The following HEMGN variants were observed in gnomAD, a reference collection of about 807,000 sequenced individuals.
HEMGN encodes hemogen.
Under a neutral mutation model 45.7 loss-of-function variants are expected in HEMGN, and 32 were observed. That is an observed-to-expected ratio of 0.70 (90% CI 0.53 to 0.94). HEMGN has a LOEUF of 0.94. Ranked by LOEUF, HEMGN falls within the 40% of genes least tolerant of loss-of-function variation. The pLI is 0.00. For missense variants in HEMGN, 530 were observed against 564.2 expected (o/e 0.94, Z 0.61); for synonymous variants, 183 against 178.6 (o/e 1.02, Z -0.20).
At chr9:97,932,723 G>A (rs1021108443) in intron 2 of HEMGN, among the ~76,000 whole-genome samples, 9 of 149,190 alleles carry the variant, frequency 6.0e-5, no homozygotes, top group Admixed American at 4.1e-4. Context: ...AGAATCGCTT[G>A]AACCCAGGAG....
Position 97,927,023 on chromosome 9 carries a change from C to A in HEMGN, c.*361G>T. On this transcript the variant is annotated 3_prime_UTR_variant, in exon 4 of 4. Transcript: ENST00000616898. ...ATTTACAAGAAAACTATATACTCCA[C>A]AAAATGTATGTGTTCAGTCTTAGTC... 1 of 158,694 alleles carries A rather than the reference C, an allele frequency of 6.3e-6. No homozygotes were observed. Among genetic ancestry groups the A allele is most frequent in the Non-Finnish European group, 1.4e-5 (1 of 72,574 alleles). The allele number at this position is 158,694 out of a possible 1,614,324, so 9.8% of individuals were successfully genotyped here.
chr9:97,940,082 A>T (rs373154254), upstream of HEMGN, among the ~76,000 whole-genome samples: 62 of 152,348 alleles, frequency 4.1e-4, 2 homozygotes, highest in South Asian at 0.013. Context: ...TAATAAAATA[A>T]CATTATAGAA....
chr9:97,941,665 C>T (rs1827154062), upstream of HEMGN, among the ~76,000 whole-genome samples: 1 of 152,134 alleles, frequency 6.6e-6, no homozygotes, highest in African/African-American at 2.4e-5. Context: ...TTAGCATTCA[C>T]AGATCAGGAA....
chr9:97,934,716 G>A (rs1310009362), intron 2 of HEMGN, among the ~76,000 whole-genome samples: 1 of 152,106 alleles, frequency 6.6e-6, no homozygotes, highest in Non-Finnish European at 1.5e-5. Context: ...TTATGGAGGT[G>A]GGGCAAATAG....
rs760717668 is a variant in HEMGN, at chr9:97,931,070, C to T, written c.325G>A (p.Glu109Lys). Residue 109 changes from glutamate to lysine, a missense_variant, in exon 3 of 4, where the codon GAG (glutamate) becomes AAG (lysine). Glu to Lys is a moderately conservative substitution (Grantham distance 56). Transcript: ENST00000616898. ...ACTTTGGTTATGCTCCCAGGTGGCT[C>T]AGTTTTTTTCTCTATAGGTGCCAGT... The part of the protein sequence containing the change: ...KALAPIEKKT[E>K]PPGSITKVFP... The T allele has an allele frequency of 6.2e-7, 1 of 1,614,116 alleles. No homozygotes were observed. Among genetic ancestry groups the T allele is most frequent in the South Asian group, 1.1e-5 (1 of 91,080 alleles).
At chr9:97,942,545 C>A (rs1442713903), upstream of HEMGN, among the ~76,000 whole-genome samples, 1 of 152,092 alleles carries the variant, frequency 6.6e-6, no homozygotes, top group African/African-American at 2.4e-5. Context: ...CCTTTGCGTG[C>A]CAAAGTGCTA....
chr9:97,928,025 AT>A (rs568022099), intron 3 of HEMGN, among the ~76,000 whole-genome samples: 22,236 of 127,270 alleles, frequency 0.17, 1,492 homozygotes, highest in Non-Finnish European at 0.25. Flanking sequence ...GATCAAGTGT[AT>A]TTTTTTTTTT....
rs549277713 is a variant in HEMGN, at chr9:97,928,129, C to T, written c.1361-651G>A. 2.6e-5 allele frequency among the ~76,000 whole-genome samples: 4 copies of T among 151,890 alleles called. No individual in the cohort carries two copies. In the East Asian group the frequency reaches 7.7e-4, roughly 29 times the overall value. On this transcript the variant is annotated intron_variant, in intron 3 of 3. Transcript: ENST00000616898. ...GCAAGCTCCGCCTCCCGGGTTCACG[C>T]CATTCTCCTGCTTCAGCCTCCCGAG...
intron 2 of HEMGN, 81 bp downstream of exon 2, chr9:97,936,090 G>A (rs1827052844): frequency 1.1e-6 from 1 of 903,202 alleles, no homozygotes; most frequent in Admixed American, 1.8e-5. Context: ...AAAATACAGT[G>A]TGTAAAGTGC....
In HEMGN at chr9:97,931,200, C is replaced by G. The variant is rs1323046891; in HGVS notation, c.195G>C (p.Gln65His). Residue 65 changes from glutamine (Q) to histidine (H), a missense_variant, in exon 3 of 4, where the codon CAG (glutamine) becomes CAC (histidine). Gln to His is a conservative substitution (Grantham distance 24). Transcript: ENST00000616898. ...WLFGEQKKRK[Q>H]QRTGKGNRRG... ...TTCGATTTCCTTTTCCTGTTCTCTGCTGCTTGCGTTTTTTCTGTTCTCTGC... is the reference window on the plus strand; with the variant it reads ...TTCGATTTCCTTTTCCTGTTCTCTGGTGCTTGCGTTTTTTCTGTTCTCTGC... 6.2e-7 allele frequency: 1 copy of G among 1,604,472 alleles called. No individual in the cohort carries two copies. The highest frequency in any genetic ancestry group is 8.5e-7 in the Non-Finnish European group (1 of 1,177,698).
chr9:97,928,231 T>C (rs1204935274), intron 3 of HEMGN, among the ~76,000 whole-genome samples: 4 of 152,092 alleles, frequency 2.6e-5, no homozygotes, highest in Non-Finnish European at 5.9e-5. Context: ...TTTCATCGTG[T>C]TAGCCAGAAT....
intron 2 of HEMGN, among the ~76,000 whole-genome samples, chr9:97,935,819 C>T (rs1827047124): frequency 6.6e-6 from 1 of 152,158 alleles, no homozygotes; most frequent in African/African-American, 2.4e-5. Flanking sequence ...ATCTTGGAGG[C>T]TTCTTCAATG....
intron 2 of HEMGN, 69 bp from the exon 3 acceptor site, chr9:97,931,290 T>C (rs1413821075): frequency 2.5e-6 from 3 of 1,217,460 alleles, no homozygotes; most frequent in African/African-American, 3.0e-5. Context: ...GTAATAACAG[T>C]GCCAGGTCCC....
chr9:97,931,536 T>C (rs1176427046), intron 2 of HEMGN, among the ~76,000 whole-genome samples: 1 of 152,216 alleles, frequency 6.6e-6, no homozygotes, highest in Non-Finnish European at 1.5e-5. Context: ...AGTTTTGTTA[T>C]GGAAAATAAA....
Position 97,930,096 on chromosome 9 carries a change from G to T in HEMGN, c.1299C>A (p.Pro433=). 1 of 1,614,096 alleles carries T rather than the reference G, an allele frequency of 6.2e-7. No homozygotes were observed. Among genetic ancestry groups the T allele is most frequent in the Non-Finnish European group, 8.5e-7 (1 of 1,180,014 alleles). Residue 433 remains proline (P), a synonymous_variant, in exon 3 of 4, where the codon CCC becomes CCA. Coordinates refer to ENST00000616898, the MANE Select transcript of HEMGN (RefSeq NM_197978.3). ...GGTGTGCTTTAGGATCCTGGCCTTGGGGCCCACCTGTTTCTTGGTGTGGTT... is the reference window on the plus strand; with the variant it reads ...GGTGTGCTTTAGGATCCTGGCCTTGTGGCCCACCTGTTTCTTGGTGTGGTT... ...FPEPHQETGG[P]QGQDPKAHQE...
At chr9:97,931,250 A>C (rs1826948469) in intron 2 of HEMGN, 29 bp from the exon 3 acceptor site, 1 of 1,523,568 alleles carries the variant, frequency 6.6e-7, no homozygotes, top group Admixed American at 2.0e-5. Context: ...TAGTGTCAGC[A>C]GTGGTACTAC....
In HEMGN at chr9:97,930,190, G is replaced by A. The variant is rs749261670; in HGVS notation, c.1205C>T (p.Thr402Ile). ...AGTAGAGAGGTCTTCAGGCCCCGGT[G>A]TTTCTTGGTATATTTCAGGTGAATA... ...EEYSPEIYQETPGPEDLSTET... is the reference protein window; with the variant it reads ...EEYSPEIYQEIPGPEDLSTET... The change falls in exon 3 of 4, where the codon ACA becomes ATA. Residue 402 changes from threonine to isoleucine, a missense_variant. Coordinates refer to ENST00000616898, the MANE Select transcript of HEMGN (RefSeq NM_197978.3). The A allele has an allele frequency of 4.3e-6, 7 of 1,613,906 alleles. No individual in the cohort carries two copies. In the African/African-American group the frequency reaches 9.4e-5, roughly 22 times the overall value.
In HEMGN at chr9:97,930,795, G is replaced by A. The variant is rs772918303; in HGVS notation, c.600C>T (p.Asn200=). The A allele has an allele frequency of 3.1e-6, 5 of 1,614,132 alleles. No homozygotes were observed. The Admixed American group carries it at 5.0e-5, about 16-fold the overall frequency. Residue 200 remains asparagine (N), a synonymous_variant, in exon 3 of 4, where the codon AAC becomes AAT. Transcript: ENST00000616898. ...ICQDMKEPED[N]SPNTCQVISV... Reference sequence around the variant, plus strand: ...ATATTACTTGGCATGTGTTAGGAGAGTTGTCTTCAGGTTCCTTCATGTCTT... The same window carrying A: ...ATATTACTTGGCATGTGTTAGGAGAATTGTCTTCAGGTTCCTTCATGTCTT...
At position 97,929,595 on chromosome 9, in the gene HEMGN, A is replaced by G. The variant is rs572747531; in HGVS notation, c.1360+440T>C. On this transcript the variant is annotated intron_variant, in intron 3 of 3. Coordinates refer to ENST00000616898, the MANE Select transcript of HEMGN (RefSeq NM_197978.3). ...ATCCTACAAGAATGAATTCCCTAGT[A>G]ACAGGATTATATTTTACAGCTTTTA... is the stretch of plus-strand genomic sequence containing the variant. Among the ~76,000 whole-genome samples the G allele has an allele frequency of 3.4e-5, 5 of 147,306 alleles. No homozygotes were observed. The South Asian group carries it at 1.1e-3, about 31-fold the overall frequency.
Sources: allele counts gnomAD v4.1 joint callset (sites outside exome capture counted in the v4.1 genomes callset), GRCh38; gene constraint gnomAD v4.1.1; transcripts MANE v1.5; gene names NCBI Gene and HGNC (gene_info 2026-07-23, HGNC 2026-07-21).